SEC23B: variants seen among roughly 807,000 people sequenced by gnomAD.
The protein encoded by SEC23B is protein transport protein Sec23B.
SEC23B carries 77 observed loss-of-function variants against 104.3 expected under a neutral mutation model. The observed-to-expected ratio is 0.74, with a 90% CI of 0.61 to 0.89. SEC23B has a LOEUF of 0.89. Among genes scored for constraint, SEC23B ranks in the 40% least tolerant of loss-of-function variants. The pLI, the probability that SEC23B is intolerant of heterozygous loss-of-function variation, is 0.00. For synonymous variants in SEC23B, 338 were observed against 332.5 expected (o/e 1.02, Z -0.18); for missense variants, 885 against 949.4 (o/e 0.93, Z 0.89).
At chr20:18,543,943 C>G (rs1281792332) in intron 14 of SEC23B, among the ~76,000 whole-genome samples, 1 of 152,226 alleles carries the variant, frequency 6.6e-6, no homozygotes, top group Admixed American at 6.5e-5. Flanking sequence ...TCTCCAGGAG[C>G]TCAGCACTGG....
Position 18,535,731 on chromosome 20 carries a change from G to A in SEC23B, c.1393G>A (p.Val465Ile), listed in dbSNP as rs745421570. The change falls in exon 12 of 20, where the codon GTT becomes ATT. Residue 465 changes from valine (V) to isoleucine (I), a missense_variant. Coordinates refer to ENST00000650089, the MANE Select transcript of SEC23B (RefSeq NM_006363.6). Reference sequence around the variant, plus strand: ...ATCTACACTTGGCATCTATTTTGAAGTTGTCAATCAGGTGAGTTGGATTTC... The same window carrying A: ...ATCTACACTTGGCATCTATTTTGAAATTGTCAATCAGGTGAGTTGGATTTC... ...PTSTLGIYFE[V>I]VNQHNTPIPQ... 6.8e-6 allele frequency: 11 copies of A among 1,613,506 alleles called. No individual in the cohort carries two copies. Among genetic ancestry groups the A allele is most frequent in the Non-Finnish European group, 9.3e-6 (11 of 1,179,424 alleles).
intron 11 of SEC23B, among the ~76,000 whole-genome samples, chr20:18,533,338 T>C (rs976729544): frequency 2.0e-5 from 3 of 152,170 alleles, no homozygotes; most frequent in Admixed American, 1.3e-4. Context: ...AGGCAAACCA[T>C]TCGGTTTGGC....
intron 2 of SEC23B, 137 bp downstream of exon 2, chr20:18,511,193 T>C: frequency 1.4e-6 from 1 of 714,344 alleles, no homozygotes; most frequent in Admixed American, 2.0e-5. Context: ...TCCTAAACGA[T>C]TCTTGTGGTG....
At chr20:18,526,005 TTGAAAA>T in intron 7 of SEC23B, 73 bp downstream of exon 7, 1 of 1,521,632 alleles carries the variant, frequency 6.6e-7, no homozygotes, top group Non-Finnish European at 9.1e-7. Flanking sequence ...TTGGCTTTGT[TTGAAAA>T]TCACTTGTGA....
At chr20:18,543,503 G>C (rs2060307680) in intron 14 of SEC23B, among the ~76,000 whole-genome samples, 2 of 152,234 alleles carry the variant, frequency 1.3e-5, no homozygotes, top group African/African-American at 4.8e-5. Flanking sequence ...TGGAAATAGG[G>C]ATCCAGCCTG....
In SEC23B at chr20:18,530,685, A is replaced by G. The variant is rs1273952544; in HGVS notation, c.1115A>G (p.Tyr372Cys). The G allele has an allele frequency of 3.1e-6, 5 of 1,611,604 alleles. No homozygotes were observed. In the Admixed American group the frequency reaches 6.7e-5, roughly 21 times the overall value. ...MKCCANLTGG[Y>C]MVMGDSFNTS... Reference sequence around the variant, plus strand: ...ATTTTTTTCTTCTTACCTAGAGGCTACATGGTAATGGGAGATTCTTTCAAC... The same window carrying G: ...ATTTTTTTCTTCTTACCTAGAGGCTGCATGGTAATGGGAGATTCTTTCAAC... Residue 372 changes from tyrosine to cysteine, a missense_variant, in exon 10 of 20, where the codon TAC (tyrosine) becomes TGC (cysteine). Transcript: ENST00000650089.
At chr20:18,559,103 G>A (rs1341087144) in intron 19 of SEC23B, among the ~76,000 whole-genome samples, 1 of 151,052 alleles carries the variant, frequency 6.6e-6, no homozygotes, top group African/African-American at 2.4e-5. Flanking sequence ...GGGGGCACTG[G>A]TGGGCTCCAT....
chr20:18,560,013 A>T (rs888728392), intron 19 of SEC23B, among the ~76,000 whole-genome samples: 8 of 152,134 alleles, frequency 5.3e-5, no homozygotes, highest in Non-Finnish European at 1.0e-4. Flanking sequence ...AATATGTTTT[A>T]AAAAATAAGA....
At chr20:18,519,314 C>G (rs566245908) in intron 4 of SEC23B, among the ~76,000 whole-genome samples, 34 of 152,204 alleles carry the variant, frequency 2.2e-4, no homozygotes, top group Middle Eastern at 3.4e-3. Context: ...GGAGACTCAA[C>G]AAAGAGTGAG....
chr20:18,533,425 T>C (rs2060203156), intron 11 of SEC23B, among the ~76,000 whole-genome samples: 1 of 152,018 alleles, frequency 6.6e-6, no homozygotes, highest in Admixed American at 6.6e-5. Flanking sequence ...AATGGGAGGG[T>C]AGACCATAGA....
intron 19 of SEC23B, among the ~76,000 whole-genome samples, chr20:18,557,672 T>C (rs2060451870): frequency 6.6e-6 from 1 of 152,124 alleles, no homozygotes; most frequent in South Asian, 2.1e-4. Flanking sequence ...ATTATATTTC[T>C]CTACATGGTT....
intron 12 of SEC23B, among the ~76,000 whole-genome samples, chr20:18,542,026 A>C (rs1372452499): frequency 6.6e-6 from 1 of 152,212 alleles, no homozygotes; most frequent in Non-Finnish European, 1.5e-5. Flanking sequence ...CTGCATTTCA[A>C]AACAAGCCTC....
intron 4 of SEC23B, among the ~76,000 whole-genome samples, chr20:18,524,172 TC>T (rs1364117848): frequency 1.3e-5 from 2 of 152,206 alleles, no homozygotes; most frequent in African/African-American, 4.8e-5. Flanking sequence ...TCACTGTGTG[TC>T]CCAGGACCTG....
At chr20:18,522,237 A>G (rs2060090417) in intron 4 of SEC23B, among the ~76,000 whole-genome samples, 1 of 152,154 alleles carries the variant, frequency 6.6e-6, no homozygotes, top group Non-Finnish European at 1.5e-5. Context: ...TCACCAAGGG[A>G]ATGTGGGTGA....
At chr20:18,541,459 T>A (rs957376142) in intron 12 of SEC23B, among the ~76,000 whole-genome samples, 3 of 152,184 alleles carry the variant, frequency 2.0e-5, no homozygotes, top group African/African-American at 7.2e-5. Flanking sequence ...GATTAATGAG[T>A]TTTAGCTTTT....
At position 18,520,293 on chromosome 20, in the gene SEC23B, C is replaced by T. The variant is rs144860900; in HGVS notation, c.367-4140C>T. Among the ~76,000 whole-genome samples the T allele has an allele frequency of 2.1e-3, 325 of 152,156 alleles. 2 individuals carry two copies. The highest frequency in any genetic ancestry group is 7.5e-3 in the African/African-American group (313 of 41,520). On this transcript the variant is annotated intron_variant, in intron 4 of 19. Coordinates refer to ENST00000650089, the MANE Select transcript of SEC23B (RefSeq NM_006363.6). ...CTTTAAAAGGCCATGCTATAACAAGCGAGTGATAACAGGCTTTAATCCATT... is the reference window on the plus strand; with the variant it reads ...CTTTAAAAGGCCATGCTATAACAAGTGAGTGATAACAGGCTTTAATCCATT...
intron 4 of SEC23B, among the ~76,000 whole-genome samples, chr20:18,523,642 C>T (rs1421967299): frequency 1.3e-5 from 2 of 151,438 alleles, no homozygotes; most frequent in Non-Finnish European, 2.9e-5. Flanking sequence ...ACCTCGTGAT[C>T]CACCTGTCTT....
intron 4 of SEC23B, among the ~76,000 whole-genome samples, chr20:18,518,349 C>G (rs760947432): frequency 5.3e-5 from 8 of 152,224 alleles, no homozygotes; most frequent in South Asian, 2.1e-4. Flanking sequence ...TTGCCAGTCC[C>G]GAGCAGGGGC....
At chr20:18,544,071 T>C (rs2060311899) in intron 14 of SEC23B, among the ~76,000 whole-genome samples, 1 of 152,054 alleles carries the variant, frequency 6.6e-6, no homozygotes, top group African/African-American at 2.4e-5. Context: ...TCGTGCCAGC[T>C]GGCAAAGGAG....
Sources: allele counts gnomAD v4.1 joint callset (sites outside exome capture counted in the v4.1 genomes callset), GRCh38; gene constraint gnomAD v4.1.1; transcripts MANE v1.5; gene names NCBI Gene and HGNC (gene_info 2026-07-23, HGNC 2026-07-21).